GFRA2: variants seen among roughly 807,000 people sequenced by gnomAD.
GFRA2 encodes GDNF family receptor alpha 2.
Under a neutral mutation model 48.3 loss-of-function variants are expected in GFRA2, and 17 were observed. The observed-to-expected ratio is 0.35, with a 90% confidence interval of 0.24 to 0.53. The LOEUF (loss-of-function observed/expected upper bound fraction) is 0.53, where lower values mean the gene tolerates loss of function less well. GFRA2 is among the 20% of genes least tolerant of loss of function. GFRA2 has a pLI of 0.93. For synonymous variants in GFRA2, 305 were observed against 257.2 expected, an observed-to-expected ratio of 1.19 and a Z score of -1.78; for missense variants, 660 against 637.3, an observed-to-expected ratio of 1.04 and a Z score of -0.38.
rs1475204209 is a variant in GFRA2 at position 21,692,108 on chromosome 8, G to A, written c.*1170C>T. The A allele has an allele frequency of 6.6e-6, 1 of 152,574 alleles. No homozygotes were observed. The highest frequency in any genetic ancestry group is 1.5e-5 in the Non-Finnish European group (1 of 68,026). 9.5% of individuals were successfully genotyped at this position (152,574 alleles called of 1,614,324 possible). ...AGCCCAGCCAGGCTGACTGGGGCAG[G>A]GCACTGCGGGGCCAATGTCCTTTTT... is the stretch of plus-strand genomic sequence containing the variant. On this transcript the variant is annotated 3_prime_UTR_variant, in exon 9 of 9. Coordinates refer to ENST00000524240, the MANE Select transcript of GFRA2 (RefSeq NM_001495.5).
chr8:21,703,214 C>A (rs1802571536), intron 6 of GFRA2, among the ~76,000 whole-genome samples: 1 of 151,960 alleles, frequency 6.6e-6, no homozygotes, highest in African/African-American at 2.4e-5. Flanking sequence ...GCCAGAATAG[C>A]AAGAAGTGTA....
chr8:21,759,844 G>A (rs550115060), intron 3 of GFRA2, among the ~76,000 whole-genome samples: 180 of 144,352 alleles, frequency 1.2e-3, no homozygotes, highest in African/African-American at 4.5e-3. Flanking sequence ...AGTCAGGATC[G>A]CACCACTGCA....
intron 4 of GFRA2, among the ~76,000 whole-genome samples, chr8:21,746,078 G>A (rs1218602882): frequency 1.3e-5 from 2 of 152,158 alleles, no homozygotes; most frequent in South Asian, 2.1e-4. Context: ...TCATTTGATC[G>A]ATGAAGAGCC....
chr8:21,745,556 C>T (rs925004257), intron 4 of GFRA2, among the ~76,000 whole-genome samples: 2 of 152,212 alleles, frequency 1.3e-5, no homozygotes, highest in Non-Finnish European at 2.9e-5. Context: ...CTCCCATTTT[C>T]AGAATGAAGA....
chr8:21,721,775 G>A (rs1803607864), intron 4 of GFRA2, among the ~76,000 whole-genome samples: 1 of 152,158 alleles, frequency 6.6e-6, no homozygotes, highest in Non-Finnish European at 1.5e-5. Context: ...AGTACCGTGG[G>A]CTGGAGCCTG....
chr8:21,728,037 T>G (rs998116380), intron 4 of GFRA2, among the ~76,000 whole-genome samples: 1 of 151,936 alleles, frequency 6.6e-6, no homozygotes, highest in African/African-American at 2.4e-5. Flanking sequence ...TCACATACAT[T>G]AGGCACATGT....
At chr8:21,783,424 G>A (rs1454890884) in intron 1 of GFRA2, among the ~76,000 whole-genome samples, 1 of 152,092 alleles carries the variant, frequency 6.6e-6, no homozygotes, top group Admixed American at 6.6e-5. Flanking sequence ...AGACACCATA[G>A]AGCCCAACCC....
rs902806299 is a variant in GFRA2 at position 21,693,171 on chromosome 8, ATT to A, written c.*105_*106del. ...GTTCAGCGACAAGGTGGGAAAAACA[ATT>A]TTTTTTTTGCAAGGTGTGTGTGTGT... On this transcript the variant is annotated 3_prime_UTR_variant, in exon 9 of 9. Transcript: ENST00000524240. 5 of 1,061,378 alleles carry A rather than the reference ATT, an allele frequency of 4.7e-6. No individual in the cohort carries two copies. Among genetic ancestry groups the A allele is most frequent in the South Asian group, 2.6e-5 (1 of 38,174 alleles). 65.7% of individuals were successfully genotyped at this position (1,061,378 alleles called of 1,614,324 possible).
chr8:21,694,125 CTG>C (rs1219778270), intron 8 of GFRA2, among the ~76,000 whole-genome samples: 1 of 134,364 alleles, frequency 7.4e-6, no homozygotes, highest in East Asian at 2.2e-4. Flanking sequence ...AAGGGAAGAA[CTG>C]TGTCTGTTTC....
At chr8:21,790,367 T>C (rs1342024254), upstream of GFRA2, among the ~76,000 whole-genome samples, 2 of 152,328 alleles carry the variant, frequency 1.3e-5, no homozygotes, top group Non-Finnish European at 2.9e-5. Context: ...GCACGTAACA[T>C]GAATTTGATA....
At chr8:21,693,443 A>G in intron 8 of GFRA2, 43 bp from the exon 9 acceptor site, 3 of 1,554,260 alleles carry the variant, frequency 1.9e-6, no homozygotes, top group Non-Finnish European at 2.6e-6. Flanking sequence ...AAGAGAATGA[A>G]AACAAAGAAA....
At chr8:21,800,836 G>A (rs1807757237) in intron 2 of GFRA2, among the ~76,000 whole-genome samples, 1 of 151,836 alleles carries the variant, frequency 6.6e-6, no homozygotes, top group African/African-American at 2.4e-5. Context: ...TGAAGCAAGA[G>A]GATGGCTTGA....
intron 4 of GFRA2, among the ~76,000 whole-genome samples, chr8:21,746,262 AC>A (rs1804998537): frequency 6.6e-6 from 1 of 152,016 alleles, no homozygotes; most frequent in African/African-American, 2.4e-5. Flanking sequence ...GTCTCAATGC[AC>A]CCCGCCCCAA....
chr8:21,788,597 T>A lies in GFRA2; in HGVS notation c.-438A>T. 1 of 994,100 alleles carries A rather than the reference T, an allele frequency of 1.0e-6. No homozygotes were observed. Among genetic ancestry groups the A allele is most frequent in the Non-Finnish European group, 1.2e-6 (1 of 836,512 alleles). 61.6% of individuals were successfully genotyped at this position (994,100 alleles called of 1,614,324 possible). A position where few individuals can be genotyped will look rare whatever the true frequency, so the allele number is the denominator to read the frequency against. On this transcript the variant is annotated 5_prime_UTR_variant, in exon 1 of 9. Coordinates refer to ENST00000524240, the MANE Select transcript of GFRA2 (RefSeq NM_001495.5). ...TGGAAGGAAGCGGCGAGGGAGGGGG[T>A]CGGAATAAAATGCAAATAGAAAAGA...
chr8:21,704,889 C>A (rs1412769732), intron 6 of GFRA2, 96 bp downstream of exon 6: 1 of 988,084 alleles, frequency 1.0e-6, no homozygotes. Context: ...ATCTACATCA[C>A]CAGCCATCCC....
chr8:21,697,398 G>A (rs1365413514), intron 7 of GFRA2, among the ~76,000 whole-genome samples: 1 of 152,006 alleles, frequency 6.6e-6, no homozygotes, highest in Non-Finnish European at 1.5e-5. Context: ...TGATTATCAG[G>A]GGACAGTGAA....
intron 8 of GFRA2, among the ~76,000 whole-genome samples, chr8:21,694,075 TTTTATA>T (rs1298871915): frequency 2.0e-5 from 1 of 49,128 alleles, no homozygotes; most frequent in Non-Finnish European, 4.0e-5. Context: ...ATTTATTTAT[TTTTATA>T]TATATATATA....
intron 1 of GFRA2, among the ~76,000 whole-genome samples, chr8:21,807,966 C>A (rs1206407768): frequency 6.6e-6 from 1 of 152,216 alleles, no homozygotes; most frequent in East Asian, 1.9e-4. Flanking sequence ...CTAATGACCT[C>A]ATTTTAATGT....
In GFRA2 at chr8:21,694,915, T is replaced by C. The variant is rs74717435; in HGVS notation, c.1219-398A>G. Among the ~76,000 whole-genome samples, 454 of 152,296 alleles carry C rather than the reference T, an allele frequency of 3.0e-3. 9 individuals are homozygous for C. The East Asian group carries it at 0.063, about 21-fold the overall frequency. On this transcript the variant is annotated intron_variant, in intron 7 of 8. Coordinates refer to ENST00000524240, the MANE Select transcript of GFRA2 (RefSeq NM_001495.5). Reference sequence around the variant, plus strand: ...ATGTTTCACTAGATGCCTGCATCCATGAATGAATGAATGAATGTCACAGAT... The same window carrying C: ...ATGTTTCACTAGATGCCTGCATCCACGAATGAATGAATGAATGTCACAGAT...
Sources: gnomAD v4.1 joint callset for allele counts (sites outside exome capture counted in the v4.1 genomes callset) on GRCh38, gnomAD v4.1.1 for gene constraint, MANE v1.5 for transcripts, NCBI Gene and HGNC (gene_info 2026-07-23, HGNC 2026-07-21) for gene names.